Variants in TRAF5 observed in about 807,000 individuals in gnomAD.
The protein encoded by TRAF5 is TNF receptor associated factor 5, also known as TNF receptor-associated factor 5.
TRAF5 carries 48 observed loss-of-function variants against 64.5 expected under a neutral mutation model. That is an observed-to-expected ratio of 0.74 (90% CI 0.59 to 0.95). The LOEUF (loss-of-function observed/expected upper bound fraction) is 0.95, where lower values mean the gene tolerates loss of function less well. Among genes scored for constraint, TRAF5 ranks in the 40% least tolerant of loss-of-function variants. The pLI, the probability that TRAF5 is intolerant of heterozygous loss-of-function variation, is 0.00. For synonymous variants in TRAF5, 206 were observed against 240.5 expected, an observed-to-expected ratio of 0.86 and a Z score of 1.33; for missense variants, 545 against 662.8, an observed-to-expected ratio of 0.82 and a Z score of 1.95.
At chr1:211,337,670 G>A (rs545908037) in intron 1 of TRAF5, among the ~76,000 whole-genome samples, 2 of 152,326 alleles carry the variant, frequency 1.3e-5, no homozygotes, top group South Asian at 4.1e-4. Context: ...GAGTGATTAT[G>A]CTGACAGTGG....
chr1:211,335,784 G>T (rs1702273654), intron 1 of TRAF5, among the ~76,000 whole-genome samples: 3 of 152,182 alleles, frequency 2.0e-5, no homozygotes, highest in South Asian at 2.1e-4. Context: ...AGGGGGAAAG[G>T]TTCTCTGTTC....
intron 7 of TRAF5, among the ~76,000 whole-genome samples, chr1:211,361,940 G>A (rs1404120884): frequency 2.0e-5 from 3 of 151,724 alleles, no homozygotes; most frequent in African/African-American, 2.4e-5. Flanking sequence ...CAGGCGATGC[G>A]CCTGCCTCGG....
chr1:211,341,431 A>G (rs148328697), intron 1 of TRAF5, among the ~76,000 whole-genome samples: 1 of 152,364 alleles, frequency 6.6e-6, no homozygotes, highest in East Asian at 1.9e-4. Context: ...ATTACAGTTT[A>G]GATCATCAAA....
chr1:211,359,832 C>A, intron 4 of TRAF5, 80 bp from the exon 5 acceptor site: 1 of 1,568,664 alleles, frequency 6.4e-7, no homozygotes, highest in Non-Finnish European at 8.7e-7. Context: ...TGTTCTCTCT[C>A]CCTCCCTAGG....
intron 4 of TRAF5, 73 bp from the exon 5 acceptor site, chr1:211,359,839 T>C (rs1703114828): frequency 6.3e-7 from 1 of 1,591,788 alleles, no homozygotes; most frequent in African/African-American, 1.3e-5. Flanking sequence ...TCTCCCTCCC[T>C]AGGCCTTCCA....
rs781068127 is a variant in TRAF5 at position 211,371,349 on chromosome 1, G to A, written c.978G>A (p.Val326=). ...AGTCAGCTTGGCTAGAAGCTCAAGTGCATCAATTATTACAAATGGTTAACC... is the reference window on the plus strand; with the variant it reads ...AGTCAGCTTGGCTAGAAGCTCAAGTACATCAATTATTACAAATGGTTAACC... The part of the protein sequence containing the change: ...IDKSAWLEAQ[V]HQLLQMVNQQ... Residue 326 remains valine, a synonymous_variant, in exon 10 of 11, where the codon GTG becomes GTA. Transcript: ENST00000261464. 1 of 1,610,346 alleles carries A rather than the reference G, an allele frequency of 6.2e-7. No homozygotes were observed.
intron 1 of TRAF5, among the ~76,000 whole-genome samples, chr1:211,344,083 G>C (rs537481415): frequency 6.6e-6 from 1 of 152,306 alleles, no homozygotes; most frequent in South Asian, 2.1e-4. Context: ...GACTCTACAT[G>C]GTTCTGAGGA....
In TRAF5 at chr1:211,374,904, G is replaced by A. The variant is rs1703644742; in HGVS notation, c.*2202G>A. ...TCGAAATAGTGATTAAGTGATCCCA[G>A]AACAAGGAATACTAGAGTAAAAAGC... On this transcript the variant is annotated 3_prime_UTR_variant, in exon 11 of 11. Coordinates refer to ENST00000261464, the MANE Select transcript of TRAF5 (RefSeq NM_001033910.3). The A allele has an allele frequency of 6.6e-6, 1 of 152,186 alleles. No individual in the cohort carries two copies. Among genetic ancestry groups the A allele is most frequent in the Non-Finnish European group, 1.5e-5 (1 of 68,034 alleles). The allele number at this position is 152,186 out of a possible 1,614,324, so 9.4% of individuals were successfully genotyped here. A position where few individuals can be genotyped will look rare whatever the true frequency, so the allele number is the denominator to read the frequency against.
Position 211,349,012 on chromosome 1 carries a change from C to CTG in TRAF5, c.-1-4227_-1-4226insTG, listed in dbSNP as rs534813578. 2.9e-3 allele frequency among the ~76,000 whole-genome samples: 318 copies of CTG among 108,850 alleles called. 3 individuals carry two copies. The highest frequency in any genetic ancestry group is 0.011 in the African/African-American group (302 of 27,980). 71.4% of individuals were successfully genotyped at this position (108,850 alleles called of 152,430 possible). A position where few individuals can be genotyped will look rare whatever the true frequency, so the allele number is the denominator to read the frequency against. ...GCCAGGAGTTCAAGACCAGGCTGGGCAACATAGTGAGACTCTGTCTCTAAA... is the reference window on the plus strand; with the variant it reads ...GCCAGGAGTTCAAGACCAGGCTGGGCTGAACATAGTGAGACTCTGTCTCTAAA... On this transcript the variant is annotated intron_variant, in intron 1 of 10. Transcript: ENST00000261464.
At chr1:211,371,192 T>C (rs976454291) in intron 9 of TRAF5, 110 bp from the exon 10 acceptor site, 2 of 1,017,956 alleles carry the variant, frequency 2.0e-6, no homozygotes, top group Non-Finnish European at 2.8e-6. Flanking sequence ...TTTTTCATTC[T>C]GTTAATTGAT....
At chr1:211,339,690 C>A (rs949479305) in intron 1 of TRAF5, among the ~76,000 whole-genome samples, 2 of 152,202 alleles carry the variant, frequency 1.3e-5, no homozygotes, top group Non-Finnish European at 2.9e-5. Context: ...CTCTAGGATG[C>A]CTGCCTGTAT....
Position 211,372,114 on chromosome 1 carries a change from TTTC to T in TRAF5, c.1100-11_1100-9del. The T allele has an allele frequency of 1.1e-5, 17 of 1,521,682 alleles. No individual in the cohort carries two copies. Among genetic ancestry groups the T allele is most frequent in the South Asian group, 6.5e-5 (5 of 76,872 alleles). The allele number at this position is 1,521,682 out of a possible 1,614,324, so 94.3% of individuals were successfully genotyped here. The stretch of plus-strand genomic sequence containing the variant: ...GCCTATGGAATCTTTTTTTTTTTTT[TTTC>T]TTATTTGCAGCCGTTTTAGAAGAGG... On this transcript the variant is annotated splice_polypyrimidine_tract_variant and intron_variant, in intron 10 of 10. Transcript: ENST00000261464.
chr1:211,333,822 A>C (rs1702222565), intron 1 of TRAF5, among the ~76,000 whole-genome samples: 4 of 151,924 alleles, frequency 2.6e-5, no homozygotes. Context: ...GTCTTTCTAC[A>C]CCTGACTTGC....
chr1:211,330,623 C>T (rs144168416), intron 1 of TRAF5, among the ~76,000 whole-genome samples: 5 of 152,174 alleles, frequency 3.3e-5, no homozygotes, highest in South Asian at 4.1e-4. Context: ...CTCTTGCACT[C>T]GCTCCTCACT....
At chr1:211,332,215 G>C (rs747249363) in intron 1 of TRAF5, among the ~76,000 whole-genome samples, 13 of 152,206 alleles carry the variant, frequency 8.5e-5, no homozygotes, top group Non-Finnish European at 1.6e-4. Context: ...AGGAAGAATA[G>C]TGCTTGGCAG....
At chr1:211,337,204 A>G (rs1702326422) in intron 1 of TRAF5, among the ~76,000 whole-genome samples, 2 of 152,252 alleles carry the variant, frequency 1.3e-5, no homozygotes, top group Admixed American at 6.5e-5. Flanking sequence ...TGGGTCTGCC[A>G]GGGATGTTGC....
intron 1 of TRAF5, among the ~76,000 whole-genome samples, chr1:211,335,740 G>A (rs975195502): frequency 1.3e-5 from 2 of 152,294 alleles, no homozygotes; most frequent in East Asian, 1.9e-4. Flanking sequence ...ACAGCTTGAG[G>A]AAAGGGAGAC....
At chr1:211,331,056 C>G (rs1296204359) in intron 1 of TRAF5, among the ~76,000 whole-genome samples, 1 of 152,210 alleles carries the variant, frequency 6.6e-6, no homozygotes, top group Non-Finnish European at 1.5e-5. Context: ...CTCTTTCTCT[C>G]TGTTCTCTCT....
chr1:211,358,595 A>C (rs950442759), intron 4 of TRAF5: 1 of 151,442 alleles, frequency 6.6e-6, no homozygotes. Context: ...AATCCCAGCT[A>C]ATCTGGAGGC....
Sources: allele counts gnomAD v4.1 joint callset (sites outside exome capture counted in the v4.1 genomes callset), GRCh38; gene constraint gnomAD v4.1.1; transcripts MANE v1.5; gene names NCBI Gene and HGNC (gene_info 2026-07-23, HGNC 2026-07-21).